Variants in SYN1 observed in about 807,000 individuals in gnomAD.
SYN1 encodes the protein synapsin-1.
A neutral mutation model predicts 44.6 loss-of-function variants in SYN1; 8 were observed. The observed-to-expected ratio is 0.18, with a 90% confidence interval of 0.11 to 0.32. The LOEUF (loss-of-function observed/expected upper bound fraction) is 0.32, where lower values mean the gene tolerates loss of function less well. SYN1 is among the 10% of genes least tolerant of loss of function. The probability of loss-of-function intolerance (pLI) is 1.00; values close to 1 mark genes in which losing one functional copy is unlikely to be tolerated. For missense variants in SYN1, 451 were observed against 639.4 expected, an observed-to-expected ratio of 0.71 and a Z score of 3.18; for synonymous variants, 275 against 280.1, an observed-to-expected ratio of 0.98 and a Z score of 0.18.
intron 3 of SYN1, among the ~76,000 whole-genome samples, chrX:47,606,546 A>G (rs1022200847): frequency 9.2e-6 from 1 of 108,213 alleles, no homozygotes; most frequent in Admixed American, 9.9e-5. Context: ...CAACATAGTG[A>G]GGACCCCCCC....
intron 5 of SYN1, among the ~76,000 whole-genome samples, chrX:47,594,290 G>C (rs887259743): frequency 9.2e-6 from 1 of 109,216 alleles, no homozygotes; most frequent in Admixed American, 9.8e-5. Context: ...CCAGAACTTT[G>C]GGAGGCAGAG....
intron 1 of SYN1, among the ~76,000 whole-genome samples, chrX:47,608,352 G>A (rs1352632944): frequency 3.6e-5 from 4 of 110,946 alleles, no homozygotes. Flanking sequence ...TCTCTGAAGC[G>A]TGCCTGTTTT....
chrX:47,573,108 T>A, intron 12 of SYN1, 109 bp from the exon 13 acceptor site: 1 of 1,029,612 alleles, frequency 9.7e-7, no homozygotes, highest in Non-Finnish European at 1.3e-6. Flanking sequence ...GCCCCTCTGA[T>A]CCTGGGGCTG....
chrX:47,575,315 C>A, intron 9 of SYN1, 41 bp from the exon 10 acceptor site: 1 of 1,198,490 alleles, frequency 8.3e-7, no homozygotes, highest in East Asian at 3.0e-5. Context: ...AGGCAGGCCT[C>A]GCACCTGAGG....
At chrX:47,590,489 T>G (rs780088296) in intron 5 of SYN1, among the ~76,000 whole-genome samples, 5 of 112,166 alleles carry the variant, frequency 4.5e-5, no homozygotes, top group Non-Finnish European at 9.4e-5. Context: ...CAGTCCGTAG[T>G]GTTCTGAGTC....
At chrX:47,612,908 G>A (rs1449604540) in intron 1 of SYN1, among the ~76,000 whole-genome samples, 5 of 110,892 alleles carry the variant, frequency 4.5e-5, no homozygotes, top group African/African-American at 1.3e-4. Flanking sequence ...CGAGGTGGGC[G>A]GATTACCTGA....
At chrX:47,580,425 G>C (rs888950278) in intron 5 of SYN1, among the ~76,000 whole-genome samples, 1 of 106,053 alleles carries the variant, frequency 9.4e-6, no homozygotes, top group African/African-American at 3.4e-5. Context: ...GAGGTCAGGA[G>C]TTTGAGACCA....
At chrX:47,602,426 G>A (rs1415733385) in intron 5 of SYN1, among the ~76,000 whole-genome samples, 4 of 111,876 alleles carry the variant, frequency 3.6e-5, no homozygotes, top group Non-Finnish European at 7.5e-5. Context: ...TTGGGAGGCC[G>A]AGGCGGGCAG....
chrX:47,593,425 C>T (rs971171277), intron 5 of SYN1, among the ~76,000 whole-genome samples: 1 of 108,421 alleles, frequency 9.2e-6, no homozygotes, highest in South Asian at 4.0e-4. Context: ...CACACCACCA[C>T]GCCCAGCTAA....
chrX:47,579,431 A>G (rs1177061778), intron 5 of SYN1, among the ~76,000 whole-genome samples: 3 of 110,851 alleles, frequency 2.7e-5, no homozygotes, highest in African/African-American at 9.9e-5. Flanking sequence ...CAGTTTCCCC[A>G]TCTGCACAAA....
At chrX:47,601,362 A>G (rs1368901880) in intron 5 of SYN1, among the ~76,000 whole-genome samples, 3 of 112,282 alleles carry the variant, frequency 2.7e-5, no homozygotes, top group Non-Finnish European at 5.6e-5. Context: ...CAATAGACCT[A>G]TAACAAGTGA....
In SYN1 at chrX:47,619,853, A is replaced by C; in HGVS notation, c.-125T>G. On this transcript the variant is annotated 5_prime_UTR_variant, in exon 1 of 13. Coordinates refer to ENST00000295987, the MANE Select transcript of SYN1 (RefSeq NM_006950.3). ...ACACGACTCCTCCGCTGCCCACCGC[A>C]GACTGAGGCAGCGCTGAGTCGCCGG... 1 of 749,702 alleles carries C rather than the reference A, an allele frequency of 1.3e-6. No homozygotes were observed. 61.8% of individuals were successfully genotyped at this position (749,702 alleles called of 1,213,427 possible). A position where few individuals can be genotyped will look rare whatever the true frequency, so the allele number is the denominator to read the frequency against.
intron 5 of SYN1, among the ~76,000 whole-genome samples, chrX:47,579,194 C>A (rs1322415129): frequency 9.0e-6 from 1 of 111,522 alleles, no homozygotes; most frequent in Admixed American, 9.5e-5. Context: ...ACACCCATAC[C>A]TCCCCCAACA....
rs1364932593 is a variant in SYN1 at position 47,574,115 on chromosome X, G to A, written c.1869C>T (p.Pro623=). ...TGPPTTQQPR[P]SGPGPAGRPK... The stretch of plus-strand genomic sequence containing the variant: ...GACGTCCAGCGGGGCCCGGGCCGCT[G>A]GGCCGAGGCTGCTGCGTGGTGGGTG... Residue 623 remains proline (P), a synonymous_variant, in exon 12 of 13, where the codon CCC becomes CCT. Coordinates refer to ENST00000295987, the MANE Select transcript of SYN1 (RefSeq NM_006950.3). 9.0e-7 allele frequency: 1 copy of A among 1,110,280 alleles called. No homozygotes were observed. Among genetic ancestry groups the A allele is most frequent in the Admixed American group, 3.0e-5 (1 of 33,727 alleles). The allele number at this position is 1,110,280 out of a possible 1,213,427, so 91.5% of individuals were successfully genotyped here.
At chrX:47,604,366 C>T (rs1026305953) in intron 5 of SYN1, among the ~76,000 whole-genome samples, 2 of 110,592 alleles carry the variant, frequency 1.8e-5, no homozygotes, top group African/African-American at 6.6e-5. Flanking sequence ...GATTCTCCTG[C>T]CTCAGCCTCC....
intron 1 of SYN1, among the ~76,000 whole-genome samples, chrX:47,617,055 A>T (rs765607252): frequency 8.9e-6 from 1 of 111,818 alleles, no homozygotes; most frequent in Non-Finnish European, 1.9e-5. Flanking sequence ...ATTTAGAAAA[A>T]AAAGAAGGAA....
intron 3 of SYN1, among the ~76,000 whole-genome samples, chrX:47,606,556 C>A (rs886528001): frequency 1.0e-4 from 11 of 108,048 alleles, no homozygotes; most frequent in East Asian, 2.9e-4. Context: ...AGGACCCCCC[C>A]CATCTCTACA....
At chrX:47,603,554 T>C (rs1214153965) in intron 5 of SYN1, among the ~76,000 whole-genome samples, 1 of 111,994 alleles carries the variant, frequency 8.9e-6, no homozygotes, top group Non-Finnish European at 1.9e-5. Flanking sequence ...TAATATTAGT[T>C]GTTATATTTG....
intron 5 of SYN1, among the ~76,000 whole-genome samples, chrX:47,601,744 G>A (rs970936871): frequency 1.8e-5 from 2 of 112,015 alleles, no homozygotes; most frequent in Admixed American, 1.9e-4. Context: ...TGTCTCTTAC[G>A]AATATAGATA....
Sources: allele counts gnomAD v4.1 joint callset (sites outside exome capture counted in the v4.1 genomes callset), GRCh38; gene constraint gnomAD v4.1.1; transcripts MANE v1.5; gene names NCBI Gene and HGNC (gene_info 2026-07-23, HGNC 2026-07-21).